KIDINS220: variants seen among roughly 807,000 people sequenced by gnomAD.
KIDINS220 encodes kinase D-interacting substrate of 220 kDa.
Under a neutral mutation model 157.6 loss-of-function variants are expected in KIDINS220, and 63 were observed. The observed-to-expected ratio is 0.40, with a 90% CI of 0.33 to 0.49. The LOEUF is 0.49. Ranked by LOEUF, KIDINS220 falls within the 20% of genes least tolerant of loss-of-function variation. The probability of loss-of-function intolerance (pLI) is 0.66; values close to 1 mark genes in which losing one functional copy is unlikely to be tolerated. For missense variants in KIDINS220, 1,772 were observed against 2,171.2 expected, an observed-to-expected ratio of 0.82 and a Z score of 3.65; for synonymous variants, 732 against 783.6, an observed-to-expected ratio of 0.93 and a Z score of 1.10.
chr2:8,758,603 TGGA>T (rs969662851), intron 22 of KIDINS220, among the ~76,000 whole-genome samples: 2 of 152,212 alleles, frequency 1.3e-5, no homozygotes, highest in African/African-American at 4.8e-5. Context: ...TCTGCTAGCT[TGGA>T]GTTTAATTTG....
In KIDINS220 at chr2:8,817,641, C is replaced by A; in HGVS notation, c.283G>T (p.Val95Phe). 3 of 1,603,512 alleles carry A rather than the reference C, an allele frequency of 1.9e-6. No individual in the cohort carries two copies. Among genetic ancestry groups the A allele is most frequent in the South Asian group, 2.2e-5 (2 of 89,248 alleles). Reference protein sequence around the residue: ...HIVEELLKCGVNLEHRDMGGW... With the variant: ...HIVEELLKCGFNLEHRDMGGW... Reference sequence around the variant, plus strand: ...ACCATATCACGGTGCTCCAAGTTAACCCCACATTTCAGTAGTTCCTCTACG... The same window carrying A: ...ACCATATCACGGTGCTCCAAGTTAAACCCACATTTCAGTAGTTCCTCTACG... Residue 95 changes from valine (V) to phenylalanine (F), a missense_variant, in exon 4 of 30, where the codon GTT becomes TTT. By Grantham distance (50) the Val-to-Phe change is conservative. This residue lies in a region of KIDINS220 where 254 missense variants were observed against 268.6 expected (regional missense o/e 0.95). Coordinates refer to ENST00000256707, the MANE Select transcript of KIDINS220 (RefSeq NM_020738.4).
intron 14 of KIDINS220, 112 bp from the exon 15 acceptor site, chr2:8,788,924 G>A (rs1672802590): frequency 1.2e-6 from 1 of 855,620 alleles, no homozygotes; most frequent in Non-Finnish European, 1.8e-6. Context: ...GCTTCCTATG[G>A]TCCCATACTA....
intron 19 of KIDINS220, 63 bp downstream of exon 19, chr2:8,778,833 G>A: frequency 6.2e-7 from 1 of 1,600,796 alleles, no homozygotes; most frequent in Middle Eastern, 1.7e-4. Flanking sequence ...AAAAAGGAGA[G>A]TCGCCATAAA....
At chr2:8,732,028 A>C (rs1422230353) in intron 29 of KIDINS220, 46 bp from the exon 30 acceptor site, 2 of 1,485,634 alleles carry the variant, frequency 1.3e-6, no homozygotes, top group African/African-American at 2.8e-5. Flanking sequence ...AATAAGAAGA[A>C]AAAAGGCATA....
chr2:8,729,045 T>C lies in KIDINS220; in HGVS notation c.*1675A>G. 1 of 982,940 alleles carries C rather than the reference T, an allele frequency of 1.0e-6. No individual in the cohort carries two copies. The allele number at this position is 982,940 out of a possible 1,614,324, so 60.9% of individuals were successfully genotyped here. On this transcript the variant is annotated 3_prime_UTR_variant, in exon 30 of 30. Transcript: ENST00000256707. ...TGATATTACGCGGCAACTACTCACC[T>C]GAAAAAGAAAACATTGTCTCTGAAA...
intron 6 of KIDINS220, among the ~76,000 whole-genome samples, chr2:8,810,014 T>A (rs1180445100): frequency 6.6e-6 from 1 of 152,026 alleles, no homozygotes; most frequent in Non-Finnish European, 1.5e-5. Flanking sequence ...GAGGGTGCAC[T>A]CAACACTAGC....
At chr2:8,815,880 A>T (rs532938662) in intron 4 of KIDINS220, among the ~76,000 whole-genome samples, 1 of 152,218 alleles carries the variant, frequency 6.6e-6, no homozygotes, top group African/African-American at 2.4e-5. Flanking sequence ...TCTGATATGA[A>T]ATCCTGGAAT....
Position 8,800,397 on chromosome 2 carries a change from T to C in KIDINS220, c.900+3A>G. On this transcript the variant is annotated splice_donor_region_variant and intron_variant, in intron 9 of 29. Transcript: ENST00000256707. ...ATAGCAACTGCACTGTAATCACACA[T>C]ACCTGTCCTCTAATGTCTATATCAG... 1 of 1,595,946 alleles carries C rather than the reference T, an allele frequency of 6.3e-7. No homozygotes were observed. The highest frequency in any genetic ancestry group is 8.6e-7 in the Non-Finnish European group (1 of 1,166,304).
intron 26 of KIDINS220, among the ~76,000 whole-genome samples, chr2:8,740,376 C>T (rs780656272): frequency 6.6e-6 from 1 of 152,152 alleles, no homozygotes; most frequent in African/African-American, 2.4e-5. Context: ...ACCACAGTAG[C>T]TGCATTCCAT....
intron 4 of KIDINS220, 26 bp from the exon 5 acceptor site, chr2:8,813,361 G>A (rs759010557): frequency 6.8e-7 from 1 of 1,480,820 alleles, no homozygotes. Flanking sequence ...AGGGGTAAGG[G>A]AATCAAACTT....
intron 3 of KIDINS220, among the ~76,000 whole-genome samples, chr2:8,818,013 A>C (rs1055377108): frequency 3.9e-5 from 6 of 152,190 alleles, no homozygotes; most frequent in Non-Finnish European, 1.5e-5. Flanking sequence ...CAAAACCTCA[A>C]AGCTAATCCT....
At chr2:8,792,716 A>G (rs533668465) in intron 12 of KIDINS220, among the ~76,000 whole-genome samples, 31 of 152,326 alleles carry the variant, frequency 2.0e-4, no homozygotes, top group South Asian at 1.5e-3. Context: ...TGGAAAGTCT[A>G]TCAAAACTAT....
At chr2:8,754,041 G>A (rs996317864) in intron 22 of KIDINS220, among the ~76,000 whole-genome samples, 21 of 152,186 alleles carry the variant, frequency 1.4e-4, no homozygotes, top group Non-Finnish European at 2.1e-4. Flanking sequence ...GTTGCAAGTG[G>A]TGATAAAATC....
intron 17 of KIDINS220, among the ~76,000 whole-genome samples, chr2:8,780,598 A>AAATGAAATTAGTAAC (rs1671576636): frequency 6.6e-6 from 1 of 151,818 alleles, no homozygotes; most frequent in South Asian, 2.1e-4. Flanking sequence ...TTATAAATGT[A>AAATGAAATTAGTAAC]AATGAAATTA....
In KIDINS220 at chr2:8,818,718, C is replaced by A; in HGVS notation, c.184G>T (p.Ala62Ser). 5 of 1,596,306 alleles carry A rather than the reference C, an allele frequency of 3.1e-6. No homozygotes were observed. The highest frequency in any genetic ancestry group is 4.3e-6 in the Non-Finnish European group (5 of 1,165,430). The change falls in exon 3 of 30, where the codon GCT becomes TCT. Residue 62 changes from alanine (A) to serine (S), a missense_variant. By Grantham distance (99) the Ala-to-Ser change is moderately conservative. Coordinates refer to ENST00000256707, the MANE Select transcript of KIDINS220 (RefSeq NM_020738.4). The part of the protein sequence containing the change: ...EIVKELIKNG[A>S]NCNLEDLDNW... Reference sequence around the variant, plus strand: ...ACCAAATCTTCCAGATTGCAGTTAGCTCCATTCTTAATTAATTCCTTCACT... The same window carrying A: ...ACCAAATCTTCCAGATTGCAGTTAGATCCATTCTTAATTAATTCCTTCACT...
chr2:8,753,666 G>T (rs913603845), intron 22 of KIDINS220, among the ~76,000 whole-genome samples: 5 of 152,192 alleles, frequency 3.3e-5, no homozygotes, highest in Admixed American at 3.3e-4. Context: ...GGAGCAGTAA[G>T]ATTTTCACGC....
At chr2:8,788,924 G>T in intron 14 of KIDINS220, 112 bp from the exon 15 acceptor site, 1 of 855,618 alleles carries the variant, frequency 1.2e-6, no homozygotes, top group Non-Finnish European at 1.8e-6. Flanking sequence ...GCTTCCTATG[G>T]TCCCATACTA....
chr2:8,750,276 G>A lies in KIDINS220; in HGVS notation c.3250C>T (p.Leu1084=). ...IGGLAYPPLP[L]HEGPPRAPSG... is the part of the protein sequence containing the mutation. ...GGCGCCCTAGGAGGACCCTCATGTA[G>A]AGGGAGCGGGGGGTACGCCAGTCCT... Residue 1084 remains leucine, a synonymous_variant, in exon 24 of 30, where the codon CTA becomes TTA. Coordinates refer to ENST00000256707, the MANE Select transcript of KIDINS220 (RefSeq NM_020738.4). 6.2e-7 allele frequency: 1 copy of A among 1,613,774 alleles called. No homozygotes were observed. The highest frequency in any genetic ancestry group is 8.5e-7 in the Non-Finnish European group (1 of 1,179,862).
intron 4 of KIDINS220, among the ~76,000 whole-genome samples, chr2:8,813,720 G>A (rs1008342350): frequency 6.6e-5 from 10 of 152,086 alleles, no homozygotes; most frequent in Admixed American, 2.0e-4. Flanking sequence ...TCAGGAGTTC[G>A]AGACCAGCCT....
Sources: allele counts gnomAD v4.1 joint callset (sites outside exome capture counted in the v4.1 genomes callset), GRCh38; gene constraint gnomAD v4.1.1; regional missense constraint gnomAD v4.1.1; transcripts MANE v1.5; gene names NCBI Gene and HGNC (gene_info 2026-07-23, HGNC 2026-07-21).